Variants in EVPL observed in about 807,000 individuals in gnomAD.
EVPL encodes the protein 210 kDa cornified envelope precursor protein.
Under a neutral mutation model 129.7 loss-of-function variants are expected in EVPL, and 94 were observed. The observed-to-expected ratio is 0.72, with a 90% CI of 0.61 to 0.86. EVPL has a LOEUF of 0.86. EVPL is among the 40% of genes least tolerant of loss of function. EVPL has a pLI of 0.00. For missense variants in EVPL, 2,625 were observed against 2,721.1 expected (o/e 0.96, Z 0.79); for synonymous variants, 1,172 against 1,191.1 (o/e 0.98, Z 0.33).
chr17:76,009,542 C>T lies in EVPL; in HGVS notation c.3663G>A (p.Ala1221=), dbSNP rs367555955. ...CCTTCTCCACACCGCTCCTCTTGCCCGCCATCTCCTGCAGCTTGGCCTTGA... is the reference window on the plus strand; with the variant it reads ...CCTTCTCCACACCGCTCCTCTTGCCTGCCATCTCCTGCAGCTTGGCCTTGA... ...TRLKAKLQEM[A]GKRSGVEKEV... is the part of the protein sequence containing the mutation. The change falls in exon 22 of 22, where the codon GCG becomes GCA. Residue 1221 remains alanine (A), a synonymous_variant. Coordinates refer to ENST00000301607, the MANE Select transcript of EVPL (RefSeq NM_001988.4). The surrounding 1 kb of genome is among the most constrained non-coding windows in gnomAD (Gnocchi z 5.9). 5.4e-5 allele frequency: 87 copies of T among 1,614,020 alleles called. No homozygotes were observed. The highest frequency in any genetic ancestry group is 6.1e-5 in the Non-Finnish European group (72 of 1,180,050).
At chr17:76,020,613 C>CG (rs2066450822) in intron 9 of EVPL, among the ~76,000 whole-genome samples, 1 of 83,240 alleles carries the variant, frequency 1.2e-5, no homozygotes, top group African/African-American at 4.1e-5. Context: ...GTTTCTCAAC[C>CG]GTTTTTTTTT....
Position 76,018,946 on chromosome 17 carries a change from C to T in EVPL, c.1252G>A (p.Val418Met), listed in dbSNP as rs368754327. Residue 418 changes from valine to methionine, a missense_variant, in exon 11 of 22, where the codon GTG becomes ATG. By Grantham distance (21) the Val-to-Met change is conservative. Transcript: ENST00000301607. ...GAGTCCCAGTCGCAGATGCTGTCCA[C>T]GTGCAGGGGCTGCTGAGGGGGGTTT... is the stretch of plus-strand genomic sequence containing the variant. ...RRNPPQQPLH[V>M]DSICDWDSGE... 66 of 1,550,184 alleles carry T rather than the reference C, an allele frequency of 4.3e-5. No individual in the cohort carries two copies. The highest frequency in any genetic ancestry group is 6.5e-5 in the Admixed American group (3 of 46,318).
Position 76,015,281 on chromosome 17 carries a change from C to G in EVPL, c.1974G>C (p.Glu658Asp). 1.2e-6 allele frequency: 2 copies of G among 1,602,786 alleles called. No homozygotes were observed. Among genetic ancestry groups the G allele is most frequent in the Non-Finnish European group, 1.7e-6 (2 of 1,178,840 alleles). ...CCCCCGGTTCAGCAGGGATGGGGGCCTCCTGCACCAGGGTGGCCTCGAAGC... is the reference window on the plus strand; with the variant it reads ...CCCCCGGTTCAGCAGGGATGGGGGCGTCCTGCACCAGGGTGGCCTCGAAGC... ...IRGFEATLVQEAPIPAEPGAL... is the reference protein window; with the variant it reads ...IRGFEATLVQDAPIPAEPGAL... Residue 658 changes from glutamate to aspartate, a missense_variant, in exon 16 of 22, where the codon GAG becomes GAC. By Grantham distance (45) the Glu-to-Asp change is conservative (BLOSUM62 2). Transcript: ENST00000301607.
chr17:76,009,566 G>C lies in EVPL; in HGVS notation c.3639C>G (p.Leu1213=). The change falls in exon 22 of 22, where the codon CTC becomes CTG. Residue 1213 remains leucine (L), a synonymous_variant. Coordinates refer to ENST00000301607, the MANE Select transcript of EVPL (RefSeq NM_001988.4). The surrounding 1 kb of genome is among the most constrained non-coding windows in gnomAD (Gnocchi z 5.9). Reference sequence around the variant, plus strand: ...CCGCCATCTCCTGCAGCTTGGCCTTGAGCCGAGTGATCTCCTGCTCTGTCT... The same window carrying C: ...CCGCCATCTCCTGCAGCTTGGCCTTCAGCCGAGTGATCTCCTGCTCTGTCT... ...DPETEQEITR[L]KAKLQEMAGK... is the part of the protein sequence containing the mutation. The C allele has an allele frequency of 6.2e-7, 1 of 1,614,056 alleles. No homozygotes were observed. The highest frequency in any genetic ancestry group is 8.5e-7 in the Non-Finnish European group (1 of 1,180,020).
Position 76,007,486 on chromosome 17 carries a change from C to T in EVPL, c.5719G>A (p.Glu1907Lys), listed in dbSNP as rs756100843. 16 of 1,612,554 alleles carry T rather than the reference C, an allele frequency of 9.9e-6. No homozygotes were observed. The Admixed American group carries it at 1.2e-4, about 12-fold the overall frequency. ...AGCCTCTTCTTGGTGACGGGGTCCT[C>T]GATGCCGGTGAAGGCCTTCTGGGCG... ...LNAQKAFTGI[E>K]DPVTKKRLSV... The change falls in exon 22 of 22, where the codon GAG (glutamate) becomes AAG (lysine). Residue 1907 changes from glutamate (E) to lysine (K), a missense_variant. This residue lies in a region of EVPL where 1,453 missense variants were observed against 1,511.8 expected (regional missense o/e 0.96). Transcript: ENST00000301607. This position sits in a 1 kb window ranked among gnomAD's most constrained non-coding sequence, Gnocchi z 8.8.
At chr17:76,011,515 G>C (rs1210971582) in intron 21 of EVPL, 61 bp downstream of exon 21, 1 of 1,412,638 alleles carries the variant, frequency 7.1e-7, no homozygotes, top group Non-Finnish European at 1.0e-6. Flanking sequence ...TTTGGGAATG[G>C]AGTGGGCATT....
intron 2 of EVPL, 122 bp from the exon 3 acceptor site, chr17:76,023,776 C>T (rs878970874): frequency 3.3e-5 from 47 of 1,424,606 alleles, no homozygotes; most frequent in Middle Eastern, 2.6e-4. Context: ...TTGAGGCCCA[C>T]GCCAGGCACA....
At position 76,007,049 on chromosome 17, in the gene EVPL, A is replaced by T. The variant is rs2066321007; in HGVS notation, c.*54T>A. On this transcript the variant is annotated 3_prime_UTR_variant, in exon 22 of 22. Transcript: ENST00000301607. The surrounding 1 kb of genome is among the most constrained non-coding windows in gnomAD (Gnocchi z 8.8). ...GAGGCTGCTCTGAGGCAAGAGGTGT[A>T]CGTATCCTACCTGGCCCAACACACG... is the stretch of plus-strand genomic sequence containing the variant. The T allele has an allele frequency of 2.9e-6, 4 of 1,382,412 alleles. No homozygotes were observed. The highest frequency in any genetic ancestry group is 2.8e-6 in the Non-Finnish European group (3 of 1,067,518). 85.6% of individuals were successfully genotyped at this position (1,382,412 alleles called of 1,614,324 possible).
Position 76,025,270 on chromosome 17 carries a change from G to A in EVPL, c.99-1150C>T, listed in dbSNP as rs1015648049. On this transcript the variant is annotated intron_variant, in intron 1 of 21. Transcript: ENST00000301607. ...CTGGTGCAGGGTCGGCACCCAGCAC[G>A]TGTTAGTTTTTATCCCATTAGAGGG... 3.9e-5 allele frequency among the ~76,000 whole-genome samples: 6 copies of A among 152,360 alleles called. No individual in the cohort carries two copies. In the East Asian group the frequency reaches 9.6e-4, roughly 24 times the overall value.
rs1218649660 is a variant in EVPL, at chr17:76,024,018, C to G, written c.198+3G>C. 1 of 1,611,858 alleles carries G rather than the reference C, an allele frequency of 6.2e-7. No homozygotes were observed. The highest frequency in any genetic ancestry group is 1.1e-5 in the South Asian group (1 of 90,528). ...GCCCTGCCAACTGCTGCCGGGGCCT[C>G]ACCTGCTGCAGCCTCTTCTGCGTCT... On this transcript the variant is annotated splice_donor_region_variant and intron_variant, in intron 2 of 21. Coordinates refer to ENST00000301607, the MANE Select transcript of EVPL (RefSeq NM_001988.4). The surrounding 1 kb of genome is among the most constrained non-coding windows in gnomAD (Gnocchi z 4.5).
At position 76,027,147 on chromosome 17, in the gene EVPL, A is replaced by G; in HGVS notation, c.52T>C (p.Ser18Pro). The change falls in exon 1 of 22, where the codon TCC becomes CCC. Residue 18 changes from serine to proline, a missense_variant. Transcript: ENST00000301607. ...CCTTTGGGGGACCCCTTGGCGGGGG[A>G]GCCCTTGGGGGACCCCTTCCCCTGG... ...GSQGKGSPKG[S>P]PAKGSPKGSP... is the part of the protein sequence containing the mutation. 2 of 1,559,728 alleles carry G rather than the reference A, an allele frequency of 1.3e-6. No homozygotes were observed. Among genetic ancestry groups the G allele is most frequent in the African/African-American group, 1.4e-5 (1 of 71,734 alleles).
At chr17:76,012,184 C>G in intron 18 of EVPL, 95 bp from the exon 19 acceptor site, 2 of 907,436 alleles carry the variant, frequency 2.2e-6, no homozygotes, top group Non-Finnish European at 1.7e-6. Flanking sequence ...TCAGGCAGAG[C>G]TGCCTCCCAG....
At position 76,007,129 on chromosome 17, in the gene EVPL, G is replaced by A. The variant is rs373236195; in HGVS notation, c.6076C>T (p.Pro2026Ser). The A allele has an allele frequency of 2.0e-4, 293 of 1,488,062 alleles. No homozygotes were observed. The highest frequency in any genetic ancestry group is 2.5e-4 in the Non-Finnish European group (282 of 1,118,680). The allele number at this position is 1,488,062 out of a possible 1,614,324, so 92.2% of individuals were successfully genotyped here. ...CAGCGAAGGGAGCGCGGGACGGTGG[G>A]GGAGGCGGAGCGGTAGCAGCGGTAC... Reference protein sequence around the residue: ...EGYRCYRSASPTVPRSLR With the variant: ...EGYRCYRSASSTVPRSLR The change falls in exon 22 of 22, where the codon CCC (proline) becomes TCC (serine). Residue 2026 changes from proline to serine, a missense_variant. By Grantham distance (74) the Pro-to-Ser change is moderately conservative (BLOSUM62 -1). Coordinates refer to ENST00000301607, the MANE Select transcript of EVPL (RefSeq NM_001988.4). This position sits in a 1 kb window ranked among gnomAD's most constrained non-coding sequence, Gnocchi z 8.8.
rs1225137879 is a variant in EVPL, at chr17:76,024,777, CA to C, written c.99-658del. On this transcript the variant is annotated intron_variant, in intron 1 of 21. Transcript: ENST00000301607. This position sits in a 1 kb window ranked among gnomAD's most constrained non-coding sequence, Gnocchi z 4.5. ...TCTGACTTGCTCTGAGTCACATGGT[CA>C]GGGGTGGAGGGGAAACCTTGCTTCC... 2.6e-5 allele frequency among the ~76,000 whole-genome samples: 4 copies of C among 152,186 alleles called. No homozygotes were observed. The highest frequency in any genetic ancestry group is 2.1e-4 in the South Asian group (1 of 4,834).
chr17:76,011,417 G>A (rs2066375363), intron 21 of EVPL, 159 bp downstream of exon 21: 6 of 677,566 alleles, frequency 8.9e-6, no homozygotes, highest in African/African-American at 1.8e-5. Flanking sequence ...GCTGGAATCC[G>A]CTCCCCTCTC....
chr17:76,027,287 G>A lies in EVPL; in HGVS notation c.-89C>T. ...TGGGAGGCAGCGGGCGTCCTCACTG[G>A]CTGGTCAGCTAAGTCTGGCGAGGTG... On this transcript the variant is annotated 5_prime_UTR_variant, in exon 1 of 22. Coordinates refer to ENST00000301607, the MANE Select transcript of EVPL (RefSeq NM_001988.4). 2.1e-6 allele frequency: 2 copies of A among 935,874 alleles called. No individual in the cohort carries two copies. Among genetic ancestry groups the A allele is most frequent in the Non-Finnish European group, 1.7e-6 (1 of 576,368 alleles). The allele number at this position is 935,874 out of a possible 1,614,324, so 58.0% of individuals were successfully genotyped here.
rs1476557438 is a variant in EVPL, at chr17:76,027,186, GC to G, written c.12del (p.Leu5Ter). 1 of 1,601,980 alleles carries G rather than the reference GC, an allele frequency of 6.2e-7. No individual in the cohort carries two copies. The highest frequency in any genetic ancestry group is 1.7e-5 in the Admixed American group (1 of 58,856). On this transcript the variant is annotated frameshift_variant, in exon 1 of 22. Transcript: ENST00000301607. LOFTEE classifies it high-confidence loss of function. ...CCCTTCCCCTGGGAGCCTTTGCTCAGCCCCTTGAACATGGTCGTAAAGGCAA... is the reference window on the plus strand; with the variant it reads ...CCCTTCCCCTGGGAGCCTTTGCTCAGCCCTTGAACATGGTCGTAAAGGCAA... MFK[G>X]LSKGSQGKGS... is the part of the protein sequence containing the mutation.
Position 76,019,660 on chromosome 17 carries a change from T to C in EVPL, c.1012-7A>G. 6.2e-7 allele frequency: 1 copy of C among 1,609,912 alleles called. No individual in the cohort carries two copies. The highest frequency in any genetic ancestry group is 1.7e-5 in the Admixed American group (1 of 59,520). On this transcript the variant is annotated splice_region_variant and splice_polypyrimidine_tract_variant and intron_variant, in intron 9 of 21. Coordinates refer to ENST00000301607, the MANE Select transcript of EVPL (RefSeq NM_001988.4). ...AGTCGGCCTCTTCCTGGAACTGAGT[T>C]CACTGGGTGGTCAAGGGCAGAGCCT... is the stretch of plus-strand genomic sequence containing the variant.
chr17:76,021,190 G>A (rs1300761478), intron 9 of EVPL, among the ~76,000 whole-genome samples: 1 of 152,102 alleles, frequency 6.6e-6, no homozygotes, highest in Non-Finnish European at 1.5e-5. Flanking sequence ...TGAGTAGCTC[G>A]GATTACAGGC....
Sources: gnomAD v4.1 joint callset for allele counts (sites outside exome capture counted in the v4.1 genomes callset) on GRCh38, gnomAD v4.1.1 for gene constraint, gnomAD v4.1.1 regional missense constraint, Gnocchi (gnomAD v3.1) non-coding constraint, MANE v1.5 for transcripts, NCBI Gene and HGNC (gene_info 2026-07-23, HGNC 2026-07-21) for gene names.